Variants in EPB41L3 observed in about 807,000 individuals in gnomAD.
EPB41L3 encodes the protein band 4.1-like protein 3.
Under a neutral mutation model 127.1 loss-of-function variants are expected in EPB41L3, and 57 were observed. The observed-to-expected ratio is 0.45, with a 90% CI of 0.36 to 0.56. The LOEUF (loss-of-function observed/expected upper bound fraction) is 0.56, where lower values mean the gene tolerates loss of function less well. Among genes scored for constraint, EPB41L3 ranks in the 20% least tolerant of loss-of-function variants. EPB41L3 has a pLI of 0.00. For missense variants in EPB41L3, 1,273 were observed against 1,372.2 expected, an observed-to-expected ratio of 0.93 and a Z score of 1.14; for synonymous variants, 572 against 549.5, an observed-to-expected ratio of 1.04 and a Z score of -0.57.
chr18:5,513,951 A>C (rs1298564077), intron 1 of EPB41L3, among the ~76,000 whole-genome samples: 1 of 152,254 alleles, frequency 6.6e-6, no homozygotes, highest in Non-Finnish European at 1.5e-5. Context: ...GCAAAGCCAA[A>C]GCTGCATTCT....
intron 3 of EPB41L3, among the ~76,000 whole-genome samples, chr18:5,607,151 CTAGAAGCCAT>C (rs1017335841): frequency 6.6e-6 from 1 of 152,210 alleles, no homozygotes; most frequent in African/African-American, 2.4e-5. Flanking sequence ...AGAGGAACTA[CTAGAAGCCAT>C]GTGAAGCCAC....
intron 22 of EPB41L3, chr18:5,394,456 C>A (rs2072988446): frequency 4.1e-6 from 2 of 493,774 alleles, no homozygotes; most frequent in Non-Finnish European, 7.3e-6. Context: ...CTCTGCTCTT[C>A]CTTTATCCTC....
At chr18:5,596,214 C>T (rs756601788) in intron 3 of EPB41L3, among the ~76,000 whole-genome samples, 2 of 152,142 alleles carry the variant, frequency 1.3e-5, no homozygotes, top group African/African-American at 2.4e-5. Context: ...GTGTTCCTAG[C>T]GATCACATCA....
chr18:5,393,454 C>T lies in EPB41L3; in HGVS notation c.*31G>A, dbSNP rs779418719. ...GTTTTCCTAACGGTTTGCATGACTG[C>T]ATTCATGTGCAAGCTAAGTTATTCC... On this transcript the variant is annotated 3_prime_UTR_variant, in exon 23 of 23. Transcript: ENST00000341928. 9.3e-5 allele frequency: 65 copies of T among 700,910 alleles called. No homozygotes were observed. Among genetic ancestry groups the T allele is most frequent in the Middle Eastern group, 4.6e-4 (2 of 4,382 alleles). The allele number at this position is 700,910 out of a possible 1,614,324, so 43.4% of individuals were successfully genotyped here.
chr18:5,506,585 A>G (rs2092221058), intron 1 of EPB41L3, among the ~76,000 whole-genome samples: 2 of 151,692 alleles, frequency 1.3e-5, no homozygotes, highest in Non-Finnish European at 1.5e-5. Flanking sequence ...TACGCTACCT[A>G]CTTCAGCTGC....
chr18:5,543,771 A>C lies in EPB41L3; in HGVS notation c.-12+142T>G. The C allele has an allele frequency of 3.1e-6, 2 of 644,832 alleles. No homozygotes were observed. Among genetic ancestry groups the C allele is most frequent in the South Asian group, 6.9e-5 (1 of 14,548 alleles). 39.9% of individuals were successfully genotyped at this position (644,832 alleles called of 1,614,324 possible). A position where few individuals can be genotyped will look rare whatever the true frequency, so the allele number is the denominator to read the frequency against. ...GGCCGCGCCGGGCGCGGGGCTCGGGATTCGGGAGACCGCGCGGCGCCGAAG... is the reference window on the plus strand; with the variant it reads ...GGCCGCGCCGGGCGCGGGGCTCGGGCTTCGGGAGACCGCGCGGCGCCGAAG... On this transcript the variant is annotated intron_variant, in intron 1 of 22. Coordinates refer to ENST00000341928, the MANE Select transcript of EPB41L3 (RefSeq NM_012307.5). This position sits in a 1 kb window ranked among gnomAD's most constrained non-coding sequence, Gnocchi z 5.2.
intron 3 of EPB41L3, among the ~76,000 whole-genome samples, chr18:5,472,274 T>A (rs1200757423): frequency 6.6e-6 from 1 of 152,216 alleles, no homozygotes; most frequent in African/African-American, 2.4e-5. Context: ...ACAGTCCCTG[T>A]ATGTAACTGT....
intron 5 of EPB41L3, among the ~76,000 whole-genome samples, chr18:5,443,154 C>T (rs941154572): frequency 6.6e-6 from 1 of 152,094 alleles, no homozygotes; most frequent in Non-Finnish European, 1.5e-5. Flanking sequence ...TCAAAAAGTA[C>T]AGCTTAAATT....
At chr18:5,440,183 C>T (rs561503995) in intron 5 of EPB41L3, among the ~76,000 whole-genome samples, 5 of 152,182 alleles carry the variant, frequency 3.3e-5, no homozygotes, top group African/African-American at 7.2e-5. Context: ...AATAAGCTTC[C>T]TTATGTTTCT....
chr18:5,534,944 T>C (rs1006521754), intron 1 of EPB41L3, among the ~76,000 whole-genome samples: 3 of 152,136 alleles, frequency 2.0e-5, no homozygotes, highest in Non-Finnish European at 4.4e-5. Flanking sequence ...TAGCTCTTTG[T>C]ATTTTCTTTA....
At chr18:5,533,183 C>G (rs2093465975) in intron 1 of EPB41L3, among the ~76,000 whole-genome samples, 1 of 152,100 alleles carries the variant, frequency 6.6e-6, no homozygotes, top group South Asian at 2.1e-4. Flanking sequence ...AATGGTTACA[C>G]AATTTGTCGG....
At chr18:5,469,042 T>C (rs1028385936) in intron 3 of EPB41L3, among the ~76,000 whole-genome samples, 2 of 152,218 alleles carry the variant, frequency 1.3e-5, no homozygotes, top group East Asian at 3.8e-4. Flanking sequence ...CACCTCTTTG[T>C]CCTGCTCCCC....
intron 15 of EPB41L3, 27 bp from the exon 16 acceptor site, chr18:5,406,995 C>T (rs374961388): frequency 1.6e-5 from 25 of 1,591,650 alleles, no homozygotes; most frequent in African/African-American, 2.7e-5. Flanking sequence ...AAGTATCCAA[C>T]AGTCAATGTT....
intron 1 of EPB41L3, among the ~76,000 whole-genome samples, chr18:5,540,877 G>A (rs2093699084): frequency 1.3e-5 from 2 of 152,060 alleles, no homozygotes; most frequent in Non-Finnish European, 2.9e-5. Context: ...GAGGTCAGGA[G>A]ATCGAGACCA....
At chr18:5,548,380 G>A (rs1160005483), upstream of EPB41L3, among the ~76,000 whole-genome samples, 2 of 152,128 alleles carry the variant, frequency 1.3e-5, no homozygotes, top group Non-Finnish European at 2.9e-5. Flanking sequence ...TACATGCAAG[G>A]CACAGATGCA....
chr18:5,576,510 CCT>C (rs1475281542), intron 3 of EPB41L3, among the ~76,000 whole-genome samples: 1 of 152,130 alleles, frequency 6.6e-6, no homozygotes, highest in Non-Finnish European at 1.5e-5. Context: ...TAATGAAATA[CCT>C]CTCTGAGTTT....
In EPB41L3 at chr18:5,396,335, G is replaced by A. The variant is rs778244742; in HGVS notation, c.2842-3C>T. The A allele has an allele frequency of 3.1e-6, 5 of 1,614,136 alleles. No homozygotes were observed. In the South Asian group the frequency reaches 3.3e-5, roughly 11 times the overall value. On this transcript the variant is annotated splice_polypyrimidine_tract_variant and splice_region_variant and intron_variant, in intron 18 of 22. Coordinates refer to ENST00000341928, the MANE Select transcript of EPB41L3 (RefSeq NM_012307.5). ...GTTTCCGTCTTCACCGTTGAGGACT[G>A]TGCCAAAGGGGAGTAAGCAGAGTGG...
At chr18:5,607,002 T>C (rs187314371) in intron 3 of EPB41L3, among the ~76,000 whole-genome samples, 175 of 152,236 alleles carry the variant, frequency 1.1e-3, no homozygotes, top group African/African-American at 4.0e-3. Context: ...ATAACATTGC[T>C]ATCATGGTAA....
chr18:5,398,964 G>A, intron 16 of EPB41L3: 1 of 399,052 alleles, frequency 2.5e-6, no homozygotes, highest in Non-Finnish European at 4.4e-6. Context: ...CTGGACCTCT[G>A]GTCCTCTCTT....
Sources: allele counts gnomAD v4.1 joint callset (sites outside exome capture counted in the v4.1 genomes callset), GRCh38; gene constraint gnomAD v4.1.1; non-coding constraint Gnocchi (gnomAD v3.1); transcripts MANE v1.5; gene names NCBI Gene and HGNC (gene_info 2026-07-23, HGNC 2026-07-21).